KANSL1L: variants seen among roughly 807,000 people sequenced by gnomAD.
The protein encoded by KANSL1L is KAT8 regulatory NSL complex subunit 1-like protein.
A neutral mutation model predicts 108.6 loss-of-function variants in KANSL1L; 25 were observed. The ratio of observed to expected loss-of-function variants is 0.23; its 90% CI spans 0.17 to 0.32. The LOEUF (loss-of-function observed/expected upper bound fraction) is 0.32. KANSL1L is among the 10% of genes least tolerant of loss of function. The probability of loss-of-function intolerance (pLI) is 1.00; values close to 1 mark genes in which losing one functional copy is unlikely to be tolerated. For synonymous variants in KANSL1L, 405 were observed against 395.1 expected (o/e 1.03, Z -0.30); for missense variants, 1,137 against 1,125.7 (o/e 1.01, Z -0.14).
chr2:210,141,158 CTCTCTGT>C (rs369158057), intron 2 of KANSL1L, among the ~76,000 whole-genome samples: 1,878 of 87,672 alleles, frequency 0.021, 38 homozygotes, highest in African/African-American at 0.062. Flanking sequence ...TTCCCCACTC[CTCTCTGT>C]TTTCTTTCTT....
chr2:210,158,300 C>T (rs1389242141), intron 1 of KANSL1L, among the ~76,000 whole-genome samples: 1 of 152,162 alleles, frequency 6.6e-6, no homozygotes, highest in Admixed American at 6.5e-5. Flanking sequence ...GAAAGACCCA[C>T]ATGGTATAGA....
At chr2:210,077,114 G>A (rs13021055) in intron 5 of KANSL1L, among the ~76,000 whole-genome samples, 13,236 of 152,138 alleles carry the variant, frequency 0.087, 613 homozygotes, top group Middle Eastern at 0.15. Flanking sequence ...AGAAATAAAG[G>A]TGTCTGAATG....
chr2:210,053,561 C>T (rs2094316228), intron 6 of KANSL1L, among the ~76,000 whole-genome samples: 1 of 152,054 alleles, frequency 6.6e-6, no homozygotes, highest in South Asian at 2.1e-4. Flanking sequence ...CACACCACTG[C>T]ACTCTAGCGT....
chr2:210,114,339 A>T (rs2094934835), intron 3 of KANSL1L, among the ~76,000 whole-genome samples: 1 of 152,138 alleles, frequency 6.6e-6, no homozygotes, highest in African/African-American at 2.4e-5. Flanking sequence ...AACCCTGGCC[A>T]ACCCAAAATC....
At chr2:210,157,900 G>C (rs942374026) in intron 1 of KANSL1L, among the ~76,000 whole-genome samples, 10 of 108,776 alleles carry the variant, frequency 9.2e-5, no homozygotes, top group Admixed American at 3.3e-4. Flanking sequence ...GCAAGACCCT[G>C]TCAAAAAAAA....
At chr2:210,057,988 T>C (rs1036054255) in intron 6 of KANSL1L, among the ~76,000 whole-genome samples, 1 of 152,188 alleles carries the variant, frequency 6.6e-6, no homozygotes, top group African/African-American at 2.4e-5. Context: ...TCTGGGTACC[T>C]TGAAAAAAGA....
rs1286683908 is a variant in KANSL1L at position 210,023,973 on chromosome 2, C to A, written c.2733+60G>T. On this transcript the variant is annotated intron_variant, in intron 14 of 14. Transcript: ENST00000281772. ...AAACTTAATTTTTTTCAAGTAGTTT[C>A]TACAAACAAGTAGTTAAAAGTCAAG... 7 of 1,182,966 alleles carry A rather than the reference C, an allele frequency of 5.9e-6. No homozygotes were observed. The East Asian group carries it at 1.6e-4, about 27-fold the overall frequency. 73.3% of individuals were successfully genotyped at this position (1,182,966 alleles called of 1,614,324 possible). A position where few individuals can be genotyped will look rare whatever the true frequency, so the allele number is the denominator to read the frequency against.
At chr2:210,026,914 G>A (rs1314254619) in intron 12 of KANSL1L, among the ~76,000 whole-genome samples, 3 of 152,076 alleles carry the variant, frequency 2.0e-5, no homozygotes, top group Non-Finnish European at 4.4e-5. Flanking sequence ...GGGACTACAG[G>A]TGCCCACCAC....
intron 8 of KANSL1L, chr2:210,032,538 A>C (rs2094033232): frequency 1.3e-5 from 2 of 152,288 alleles, no homozygotes; most frequent in African/African-American, 4.8e-5. Context: ...CAGGACAACT[A>C]TCTGGATATT....
chr2:210,084,812 A>G (rs2094622640), intron 5 of KANSL1L, among the ~76,000 whole-genome samples: 1 of 152,078 alleles, frequency 6.6e-6, no homozygotes, highest in South Asian at 2.1e-4. Context: ...GGGTTTCACC[A>G]TGTTGGCCAG....
At chr2:210,145,762 C>T (rs985799847) in intron 2 of KANSL1L, among the ~76,000 whole-genome samples, 13 of 152,306 alleles carry the variant, frequency 8.5e-5, no homozygotes, top group Middle Eastern at 3.4e-3. Flanking sequence ...CATAGCAAAG[C>T]AACCTGGGCT....
At chr2:210,166,680 C>T (rs1687992124) in intron 1 of KANSL1L, among the ~76,000 whole-genome samples, 1 of 152,062 alleles carries the variant, frequency 6.6e-6, no homozygotes, top group Non-Finnish European at 1.5e-5. Flanking sequence ...AATCCCAGCT[C>T]TCTTAAATGC....
intron 4 of KANSL1L, among the ~76,000 whole-genome samples, chr2:210,102,605 C>G (rs2094805327): frequency 6.6e-6 from 1 of 151,988 alleles, no homozygotes; most frequent in Non-Finnish European, 1.5e-5. Context: ...ACAAAGAACT[C>G]AAACAAATTT....
At chr2:210,114,090 T>G (rs1225636064) in intron 3 of KANSL1L, among the ~76,000 whole-genome samples, 1 of 151,976 alleles carries the variant, frequency 6.6e-6, no homozygotes, top group East Asian at 1.9e-4. Context: ...CTGAATGAGC[T>G]CCAAATAAGA....
chr2:210,144,827 G>A (rs981061085), intron 2 of KANSL1L, among the ~76,000 whole-genome samples: 3 of 152,054 alleles, frequency 2.0e-5, no homozygotes, highest in Non-Finnish European at 2.9e-5. Context: ...TATTTCTTTA[G>A]GATTAGTTCC....
At chr2:210,055,485 G>T (rs1053427503) in intron 6 of KANSL1L, among the ~76,000 whole-genome samples, 10 of 152,162 alleles carry the variant, frequency 6.6e-5, no homozygotes, top group Admixed American at 5.2e-4. Flanking sequence ...AAAAATATGG[G>T]TAAGTTTGGA....
At chr2:210,026,834 G>A (rs142551246) in intron 12 of KANSL1L, among the ~76,000 whole-genome samples, 34 of 152,144 alleles carry the variant, frequency 2.2e-4, no homozygotes, top group East Asian at 2.1e-3. Context: ...GCAGTGGTGC[G>A]ATCTCGGCTC....
At chr2:210,144,056 TTCTC>T (rs1284653326) in intron 2 of KANSL1L, among the ~76,000 whole-genome samples, 1 of 152,154 alleles carries the variant, frequency 6.6e-6, no homozygotes, top group Non-Finnish European at 1.5e-5. Context: ...TGGAAAAGTC[TTCTC>T]TCTCCCTTTC....
intron 3 of KANSL1L, among the ~76,000 whole-genome samples, chr2:210,126,857 C>T (rs926497545): frequency 5.3e-5 from 8 of 152,010 alleles, no homozygotes; most frequent in Non-Finnish European, 1.2e-4. Flanking sequence ...GGAAGACTCA[C>T]GTCCTGATTT....
Sources: gnomAD v4.1 joint callset for allele counts (sites outside exome capture counted in the v4.1 genomes callset) on GRCh38, gnomAD v4.1.1 for gene constraint, MANE v1.5 for transcripts, NCBI Gene and HGNC (gene_info 2026-07-23, HGNC 2026-07-21) for gene names.